Variants in GRID1 observed in about 807,000 individuals in gnomAD.
GRID1 encodes the protein glutamate receptor ionotropic, delta-1.
Under a neutral mutation model 98.0 loss-of-function variants are expected in GRID1, and 28 were observed. That is an observed-to-expected ratio of 0.29 (90% CI 0.21 to 0.39). The LOEUF (loss-of-function observed/expected upper bound fraction) is 0.39, where lower values mean the gene tolerates loss of function less well. GRID1 is among the 10% of genes least tolerant of loss of function. The probability of loss-of-function intolerance (pLI) is 1.00; values close to 1 mark genes in which losing one functional copy is unlikely to be tolerated. For missense variants in GRID1, 1,111 were observed against 1,340.5 expected (o/e 0.83, Z 2.67); for synonymous variants, 553 against 538.5 (o/e 1.03, Z -0.37).
chr10:86,062,147 G>A (rs781499074), intron 4 of GRID1, among the ~76,000 whole-genome samples: 1 of 152,312 alleles, frequency 6.6e-6, no homozygotes, highest in East Asian at 1.9e-4. Flanking sequence ...GCAAAACTTT[G>A]TTGTGCTTTG....
At chr10:86,216,489 G>A (rs542788720) in intron 2 of GRID1, among the ~76,000 whole-genome samples, 10 of 152,304 alleles carry the variant, frequency 6.6e-5, no homozygotes, top group East Asian at 1.9e-4. Flanking sequence ...AGCCTTCAGC[G>A]CACAATGAGA....
chr10:86,047,804 A>G (rs186127439), intron 4 of GRID1, among the ~76,000 whole-genome samples: 1 of 152,336 alleles, frequency 6.6e-6, no homozygotes, highest in Non-Finnish European at 1.5e-5. Flanking sequence ...AATTAGATAG[A>G]AACAACCACA....
At chr10:86,051,191 A>G (rs2131905724) in intron 4 of GRID1, among the ~76,000 whole-genome samples, 1 of 151,788 alleles carries the variant, frequency 6.6e-6, no homozygotes, top group Middle Eastern at 3.4e-3. Context: ...GAAACAGAAT[A>G]CCATTTCTAG....
chr10:86,275,820 T>A (rs953902549), intron 2 of GRID1, among the ~76,000 whole-genome samples: 1 of 152,116 alleles, frequency 6.6e-6, no homozygotes, highest in Admixed American at 6.5e-5. Context: ...TTATGAGTGT[T>A]CCAGAAGGAG....
intron 14 of GRID1, among the ~76,000 whole-genome samples, chr10:85,615,258 A>C (rs1403758986): frequency 2.0e-5 from 3 of 152,214 alleles, no homozygotes; most frequent in Non-Finnish European, 2.9e-5. Flanking sequence ...GGCCTGGCTC[A>C]GTGCAAAGAT....
intron 2 of GRID1, among the ~76,000 whole-genome samples, chr10:86,284,994 T>TACA (rs76537184): frequency 0.94 from 142,363 of 151,892 alleles, 67,442 homozygotes; most frequent in African/African-American, 0.98. Flanking sequence ...TGCTGGAAGG[T>TACA]ACGAGACCAT....
Position 85,602,386 on chromosome 10 carries a change from C to A in GRID1, c.2917G>T (p.Gly973Trp), listed in dbSNP as rs771866539. The A allele has an allele frequency of 1.9e-6, 3 of 1,609,456 alleles. No homozygotes were observed. Among genetic ancestry groups the A allele is most frequent in the Non-Finnish European group, 2.6e-6 (3 of 1,176,404 alleles). ...SMQCKHRSPN[G>W]GLFRQSPVKT... ...ACCGGGCTCTGCCGGAACAGCCCCC[C>A]GTTGGGTGACCTGTGTTTGCACTGC... Residue 973 changes from glycine (G) to tryptophan (W), a missense_variant, in exon 16 of 16, where the codon GGG (glycine) becomes TGG (tryptophan). Around this residue, in one of 3 missense-constraint regions of GRID1, gnomAD observed 762 missense variants for 869.1 expected, o/e 0.88. Coordinates refer to ENST00000327946, the MANE Select transcript of GRID1 (RefSeq NM_017551.3).
intron 4 of GRID1, among the ~76,000 whole-genome samples, chr10:86,073,613 T>C (rs921566990): frequency 1.3e-5 from 2 of 152,208 alleles, no homozygotes; most frequent in African/African-American, 2.4e-5. Context: ...GAAGCTGGCA[T>C]GCACACCTGT....
chr10:85,824,718 G>A (rs1483336255), intron 8 of GRID1, among the ~76,000 whole-genome samples: 2 of 151,932 alleles, frequency 1.3e-5, no homozygotes, highest in African/African-American at 4.8e-5. Context: ...CCAGTCTTCT[G>A]AGTCTCCAAT....
Position 85,896,367 on chromosome 10 carries a change from T to A in GRID1, c.780+19819A>T, listed in dbSNP as rs113107452. ...TTCCATTAAGTTAGAGCTGGGCTGG[T>A]TCAAAGGCAGTACTGCATGAAGGTA... is the stretch of plus-strand genomic sequence containing the variant. On this transcript the variant is annotated intron_variant, in intron 5 of 15. Transcript: ENST00000327946. Among the ~76,000 whole-genome samples, 653 of 152,296 alleles carry A rather than the reference T, an allele frequency of 4.3e-3. 4 individuals carry two copies. The highest frequency in any genetic ancestry group is 0.015 in the African/African-American group (617 of 41,556).
chr10:85,871,622 T>G (rs1361179815), intron 5 of GRID1, among the ~76,000 whole-genome samples: 2 of 152,202 alleles, frequency 1.3e-5, no homozygotes, highest in East Asian at 3.8e-4. Context: ...AATATGATGG[T>G]AAAAAGGAAG....
chr10:85,993,847 A>G (rs1302365309), intron 4 of GRID1, among the ~76,000 whole-genome samples: 2 of 152,156 alleles, frequency 1.3e-5, no homozygotes, highest in East Asian at 3.9e-4. Context: ...GACTCGCCCA[A>G]AATCAAAGCC....
intron 2 of GRID1, among the ~76,000 whole-genome samples, chr10:86,330,940 G>A (rs1848131927): frequency 6.6e-6 from 1 of 152,220 alleles, no homozygotes; most frequent in Non-Finnish European, 1.5e-5. Flanking sequence ...GCAGCCAAGG[G>A]GCAGGAGGGC....
In GRID1 at chr10:85,613,509, C is replaced by G; in HGVS notation, c.2499G>C (p.Gly833=). The change falls in exon 15 of 16, where the codon GGG becomes GGC. Residue 833 remains glycine (G), a synonymous_variant. Transcript: ENST00000327946. ...GKSLKLHSFA[G]VFCILAIGLL... is the part of the protein sequence containing the mutation. The stretch of plus-strand genomic sequence containing the variant: ...GGCCAATGGCCAGGATGCAGAAGAC[C>G]CCGGCGAAGCTGTGCAGCTTGAGGG... 6.2e-7 allele frequency: 1 copy of G among 1,614,162 alleles called. No individual in the cohort carries two copies. The highest frequency in any genetic ancestry group is 8.5e-7 in the Non-Finnish European group (1 of 1,180,030).
At chr10:86,305,265 T>A (rs547610515) in intron 2 of GRID1, among the ~76,000 whole-genome samples, 1 of 152,092 alleles carries the variant, frequency 6.6e-6, no homozygotes, top group Non-Finnish European at 1.5e-5. Context: ...GCTAATTCCA[T>A]CTCTTGGGGG....
intron 4 of GRID1, among the ~76,000 whole-genome samples, chr10:85,949,875 T>C (rs762448771): frequency 2.0e-5 from 3 of 151,908 alleles, no homozygotes; most frequent in African/African-American, 4.8e-5. Context: ...AAAAGAGAGA[T>C]ACATATAAAA....
chr10:85,796,528 G>A (rs564021296), intron 8 of GRID1, among the ~76,000 whole-genome samples: 8 of 152,200 alleles, frequency 5.3e-5, no homozygotes, highest in African/African-American at 1.9e-4. Flanking sequence ...GAAGCCCATT[G>A]CAAGATATAA....
chr10:86,163,414 T>C (rs1845351513), intron 3 of GRID1, among the ~76,000 whole-genome samples: 1 of 151,732 alleles, frequency 6.6e-6, no homozygotes, highest in Admixed American at 6.6e-5. Flanking sequence ...ATTTCTTTTT[T>C]TTTTTTTTTT....
intron 2 of GRID1, among the ~76,000 whole-genome samples, chr10:86,348,195 G>A (rs1483941739): frequency 6.6e-6 from 1 of 152,212 alleles, no homozygotes; most frequent in African/African-American, 2.4e-5. Flanking sequence ...ACAAACATTT[G>A]CTCCACCCCT....
Sources: gnomAD v4.1 joint callset for allele counts (sites outside exome capture counted in the v4.1 genomes callset) on GRCh38, gnomAD v4.1.1 for gene constraint, gnomAD v4.1.1 regional missense constraint, MANE v1.5 for transcripts, NCBI Gene and HGNC (gene_info 2026-07-23, HGNC 2026-07-21) for gene names.